Variants in ADAMTS12 observed in about 807,000 individuals in gnomAD.
The protein encoded by ADAMTS12 is A disintegrin and metalloproteinase with thrombospondin motifs 12.
A neutral mutation model predicts 167.8 loss-of-function variants in ADAMTS12; 118 were observed. That is an observed-to-expected ratio of 0.70 (90% CI 0.61 to 0.82). ADAMTS12 has a LOEUF of 0.82. ADAMTS12 is among the 40% of genes least tolerant of loss of function. The probability of loss-of-function intolerance (pLI) is 0.00; values close to 1 mark genes in which losing one functional copy is unlikely to be tolerated. For synonymous variants in ADAMTS12, 704 were observed against 716.9 expected (o/e 0.98, Z 0.29); for missense variants, 1,916 against 1,998.8 (o/e 0.96, Z 0.79).
At chr5:33,591,683 G>A (rs886161168) in intron 17 of ADAMTS12, among the ~76,000 whole-genome samples, 2 of 152,058 alleles carry the variant, frequency 1.3e-5, no homozygotes, top group Non-Finnish European at 2.9e-5. Flanking sequence ...TCTTTCATGG[G>A]CTTTTCCCAG....
intron 2 of ADAMTS12, among the ~76,000 whole-genome samples, chr5:33,803,240 A>T (rs977877401): frequency 5.9e-5 from 9 of 152,322 alleles, no homozygotes; most frequent in East Asian, 3.9e-4. Context: ...CACAGACAAA[A>T]CTATTACAAA....
chr5:33,642,069 G>A (rs913403706), intron 10 of ADAMTS12, 114 bp from the exon 11 acceptor site: 10 of 1,091,512 alleles, frequency 9.2e-6, no homozygotes, highest in African/African-American at 1.6e-5. Context: ...GCTTTCTACA[G>A]TCACATATCA....
At chr5:33,798,693 T>C (rs567752528) in intron 2 of ADAMTS12, among the ~76,000 whole-genome samples, 62 of 152,122 alleles carry the variant, frequency 4.1e-4, no homozygotes, top group Non-Finnish European at 7.2e-4. Flanking sequence ...GCCTGCTTCG[T>C]CCTCCCAAAG....
Position 33,873,257 on chromosome 5 carries a change from T to C in ADAMTS12, c.489+7862A>G, listed in dbSNP as rs376836093. On this transcript the variant is annotated intron_variant, in intron 2 of 23. Coordinates refer to ENST00000504830, the MANE Select transcript of ADAMTS12 (RefSeq NM_030955.4). ...CACAAGGTTAATAAAGTGAGTTGTT[T>C]TACTATATACCAGCAATGAACAAGA... Among the ~76,000 whole-genome samples, 4 of 151,932 alleles carry C rather than the reference T, an allele frequency of 2.6e-5. No individual in the cohort carries two copies. In the East Asian group the frequency reaches 7.7e-4, roughly 29 times the overall value.
At chr5:33,610,415 G>A (rs550156519) in intron 16 of ADAMTS12, among the ~76,000 whole-genome samples, 3 of 152,252 alleles carry the variant, frequency 2.0e-5, no homozygotes, top group Admixed American at 2.0e-4. Flanking sequence ...TCATTGAAAA[G>A]AATGTAGTAT....
chr5:33,648,835 C>T lies in ADAMTS12; in HGVS notation c.1466G>A (p.Cys489Tyr). Reference sequence around the variant, plus strand: ...AGGTACACTTACTTCTACTTCCTGGCAGAAGGTAGCATTGGGTCCATATTG... The same window carrying T: ...AGGTACACTTACTTCTACTTCCTGGTAGAAGGTAGCATTGGGTCCATATTG... ...QLQYGPNATF[C>Y]QEVENVCQTL... The change falls in exon 9 of 24, where the codon TGC (cysteine) becomes TAC (tyrosine). Residue 489 changes from cysteine to tyrosine, a missense_variant. Coordinates refer to ENST00000504830, the MANE Select transcript of ADAMTS12 (RefSeq NM_030955.4). 6.2e-7 allele frequency: 1 copy of T among 1,614,026 alleles called. No homozygotes were observed. Among genetic ancestry groups the T allele is most frequent in the South Asian group, 1.1e-5 (1 of 91,060 alleles).
Position 33,623,381 on chromosome 5 carries a change from ATAT to A in ADAMTS12, c.2143+847_2143+849del, listed in dbSNP as rs771916635. On this transcript the variant is annotated intron_variant, in intron 14 of 23. Transcript: ENST00000504830. ...ACCCATGACTGGTGGAAAGTGGTGT[ATAT>A]TATCTCAATTCCTTCACCCCTCAGG... Among the ~76,000 whole-genome samples the A allele has an allele frequency of 9.2e-5, 14 of 152,182 alleles. 1 individual carries two copies. The highest frequency in any genetic ancestry group is 6.2e-4 in the South Asian group (3 of 4,828).
At chr5:33,834,234 C>T (rs1748420756) in intron 2 of ADAMTS12, among the ~76,000 whole-genome samples, 1 of 146,740 alleles carries the variant, frequency 6.8e-6, no homozygotes, top group South Asian at 2.1e-4. Context: ...TTCTGAGGTA[C>T]TGGAGGTTAG....
intron 19 of ADAMTS12, among the ~76,000 whole-genome samples, chr5:33,567,956 G>A (rs1009619454): frequency 3.3e-5 from 5 of 152,100 alleles, no homozygotes; most frequent in Admixed American, 2.0e-4. Flanking sequence ...AGGTATGTAC[G>A]ATTCTGGCCA....
At chr5:33,723,706 C>T (rs750304918) in intron 3 of ADAMTS12, among the ~76,000 whole-genome samples, 3 of 152,190 alleles carry the variant, frequency 2.0e-5, no homozygotes, top group Non-Finnish European at 4.4e-5. Context: ...AGCAGAGGTA[C>T]TTGGTACTCC....
chr5:33,846,273 C>T (rs550667152), intron 2 of ADAMTS12, among the ~76,000 whole-genome samples: 3 of 152,038 alleles, frequency 2.0e-5, no homozygotes, highest in South Asian at 4.2e-4. Context: ...TGTACTGTTT[C>T]CAATACTTAC....
At chr5:33,766,513 A>G (rs1167254771) in intron 2 of ADAMTS12, among the ~76,000 whole-genome samples, 1 of 152,188 alleles carries the variant, frequency 6.6e-6, no homozygotes, top group Non-Finnish European at 1.5e-5. Context: ...TAACTGAGTT[A>G]CTAGTAACGT....
chr5:33,849,581 T>C (rs62653379), intron 2 of ADAMTS12, among the ~76,000 whole-genome samples: 10,318 of 87,416 alleles, frequency 0.12, 1,603 homozygotes, highest in African/African-American at 0.27. Flanking sequence ...GTGTATTGCA[T>C]AGCAATACAC....
At chr5:33,840,121 GC>G (rs1488983907) in intron 2 of ADAMTS12, 4 of 152,166 alleles carry the variant, frequency 2.6e-5, no homozygotes, top group Middle Eastern at 3.2e-3. Context: ...AGGAAGAAGT[GC>G]CCCAGAGGCA....
At chr5:33,550,623 C>T (rs965565881) in intron 20 of ADAMTS12, among the ~76,000 whole-genome samples, 5 of 152,126 alleles carry the variant, frequency 3.3e-5, no homozygotes, top group African/African-American at 1.2e-4. Flanking sequence ...TTTTCAATGG[C>T]ACCTCTTCTG....
At chr5:33,569,711 A>G (rs1428738631) in intron 19 of ADAMTS12, among the ~76,000 whole-genome samples, 1 of 152,268 alleles carries the variant, frequency 6.6e-6, no homozygotes, top group Non-Finnish European at 1.5e-5. Flanking sequence ...AAAGGAATGC[A>G]GTTCCTCACC....
intron 3 of ADAMTS12, among the ~76,000 whole-genome samples, chr5:33,698,122 C>T (rs1310370606): frequency 6.6e-6 from 1 of 152,202 alleles, no homozygotes; most frequent in East Asian, 1.9e-4. Flanking sequence ...GAAGAATGAA[C>T]GTCTGGCTTT....
At chr5:33,592,275 AAAC>A (rs931314936) in intron 17 of ADAMTS12, among the ~76,000 whole-genome samples, 2 of 151,612 alleles carry the variant, frequency 1.3e-5, no homozygotes, top group African/African-American at 2.4e-5. Flanking sequence ...ACAAAAAACA[AAAC>A]AAAACAAAAA....
chr5:33,618,544 G>C (rs952015908), intron 14 of ADAMTS12, among the ~76,000 whole-genome samples: 1 of 152,192 alleles, frequency 6.6e-6, no homozygotes, highest in Non-Finnish European at 1.5e-5. Context: ...CCTTCTGTTA[G>C]ACTGTCCAAT....
Sources: allele counts gnomAD v4.1 joint callset (sites outside exome capture counted in the v4.1 genomes callset), GRCh38; gene constraint gnomAD v4.1.1; transcripts MANE v1.5; gene names NCBI Gene and HGNC (gene_info 2026-07-23, HGNC 2026-07-21).